Variants in PAK5 observed in about 807,000 individuals in gnomAD.
PAK5 encodes p21 (RAC1) activated kinase 5, also known as serine/threonine-protein kinase PAK 5.
A neutral mutation model predicts 65.9 loss-of-function variants in PAK5; 16 were observed. The observed-to-expected ratio is 0.24, with a 90% CI of 0.16 to 0.37. The LOEUF (loss-of-function observed/expected upper bound fraction) is 0.37, where lower values mean the gene tolerates loss of function less well. Ranked by LOEUF, PAK5 falls within the 10% of genes least tolerant of loss-of-function variation. The pLI is 1.00. For synonymous variants in PAK5, 371 were observed against 354.9 expected (o/e 1.05, Z -0.51); for missense variants, 785 against 903.9 (o/e 0.87, Z 1.69).
intron 1 of PAK5, among the ~76,000 whole-genome samples, chr20:9,738,463 C>G (rs756140437): frequency 6.6e-6 from 1 of 152,056 alleles, no homozygotes; most frequent in African/African-American, 2.4e-5. Context: ...TATATTCATA[C>G]TATAGAGTAC....
intron 1 of PAK5, among the ~76,000 whole-genome samples, chr20:9,834,410 C>G (rs1384300528): frequency 2.6e-5 from 4 of 152,058 alleles, no homozygotes; most frequent in Non-Finnish European, 5.9e-5. Flanking sequence ...TAAAACAATT[C>G]AGGATTTTGA....
chr20:9,612,910 A>T (rs964930191), intron 3 of PAK5, among the ~76,000 whole-genome samples: 1 of 151,854 alleles, frequency 6.6e-6, no homozygotes, highest in Non-Finnish European at 1.5e-5. Context: ...CCCCCATTAG[A>T]CTATACAATC....
chr20:9,668,129 C>T (rs1012173217), intron 2 of PAK5, among the ~76,000 whole-genome samples: 3 of 152,020 alleles, frequency 2.0e-5, no homozygotes, highest in Admixed American at 1.3e-4. Flanking sequence ...AGAGAAGCCG[C>T]ATGTTAGGGT....
At chr20:9,648,603 A>T (rs995766037) in intron 2 of PAK5, among the ~76,000 whole-genome samples, 1 of 152,004 alleles carries the variant, frequency 6.6e-6, no homozygotes, top group African/African-American at 2.4e-5. Flanking sequence ...CTTTTTTTCT[A>T]GGATATGCAT....
chr20:9,660,182 G>A (rs1008914534), intron 2 of PAK5, among the ~76,000 whole-genome samples: 47 of 152,006 alleles, frequency 3.1e-4, no homozygotes, highest in Non-Finnish European at 5.9e-4. Context: ...TGGCATGAGG[G>A]GGATAAAGGC....
rs138611777 is a variant in PAK5, at chr20:9,613,912, G to A, written c.204+30213C>T. ...CCTCACCAAAGGCCTATTTGCCACC[G>A]TTTCTGACCCAGTGCATCACATCTG... is the stretch of plus-strand genomic sequence containing the variant. On this transcript the variant is annotated intron_variant, in intron 3 of 9. Coordinates refer to ENST00000353224, the MANE Select transcript of PAK5 (RefSeq NM_177990.4). Among the ~76,000 whole-genome samples, 736 of 152,180 alleles carry A rather than the reference G, an allele frequency of 4.8e-3. 4 individuals carry two copies. Among genetic ancestry groups the A allele is most frequent in the Middle Eastern group, 0.01 (3 of 294 alleles).
intron 2 of PAK5, among the ~76,000 whole-genome samples, chr20:9,683,446 A>G (rs184702794): frequency 6.6e-6 from 1 of 152,056 alleles, no homozygotes; most frequent in Non-Finnish European, 1.5e-5. Flanking sequence ...GGTAAATACA[A>G]CTCCTTATGA....
chr20:9,814,623 C>T (rs2049334966), intron 1 of PAK5, among the ~76,000 whole-genome samples: 2 of 152,156 alleles, frequency 1.3e-5, no homozygotes, highest in South Asian at 4.1e-4. Flanking sequence ...TCATATGCCA[C>T]TCTTTCATAA....
At chr20:9,752,420 T>A (rs2048587407) in intron 1 of PAK5, among the ~76,000 whole-genome samples, 1 of 152,042 alleles carries the variant, frequency 6.6e-6, no homozygotes, top group Non-Finnish European at 1.5e-5. Context: ...AAGAACGGAT[T>A]AGGGATGGCC....
chr20:9,654,970 G>C (rs142165099), intron 2 of PAK5, among the ~76,000 whole-genome samples: 1 of 152,122 alleles, frequency 6.6e-6, no homozygotes, highest in Non-Finnish European at 1.5e-5. Context: ...TTGGGCTACA[G>C]AAATTATTTC....
At chr20:9,570,292 T>C (rs1337045882) in intron 4 of PAK5, among the ~76,000 whole-genome samples, 2 of 152,214 alleles carry the variant, frequency 1.3e-5, no homozygotes, top group Non-Finnish European at 2.9e-5. Flanking sequence ...CTAGCATTTA[T>C]TGAAGACATA....
chr20:9,729,414 T>A (rs1413146655), intron 1 of PAK5, among the ~76,000 whole-genome samples: 1 of 152,198 alleles, frequency 6.6e-6, no homozygotes, highest in Non-Finnish European at 1.5e-5. Context: ...TTAATGTGTA[T>A]GATACTGCTG....
chr20:9,794,826 A>G (rs1043520387), intron 1 of PAK5, among the ~76,000 whole-genome samples: 1 of 152,102 alleles, frequency 6.6e-6, no homozygotes, highest in Non-Finnish European at 1.5e-5. Context: ...TCCTCCAAGT[A>G]TCATACATTC....
chr20:9,694,383 TG>T (rs2047840663), intron 2 of PAK5, among the ~76,000 whole-genome samples: 1 of 151,584 alleles, frequency 6.6e-6, no homozygotes, highest in African/African-American at 2.4e-5. Flanking sequence ...GGGAGGGTCA[TG>T]GGGTATGACT....
At chr20:9,542,001 C>T (rs2045272739) in intron 9 of PAK5, among the ~76,000 whole-genome samples, 1 of 152,144 alleles carries the variant, frequency 6.6e-6, no homozygotes, top group South Asian at 2.1e-4. Context: ...TTAATTAAAC[C>T]TTCTTTATTT....
At chr20:9,779,308 T>C (rs977347791) in intron 1 of PAK5, among the ~76,000 whole-genome samples, 4 of 151,608 alleles carry the variant, frequency 2.6e-5, no homozygotes, top group East Asian at 3.9e-4. Flanking sequence ...AAGCTGTGCA[T>C]GGCTCTTCAT....
intron 3 of PAK5, among the ~76,000 whole-genome samples, chr20:9,599,721 G>T (rs2046328295): frequency 6.6e-6 from 1 of 151,892 alleles, no homozygotes; most frequent in South Asian, 2.1e-4. Context: ...TATTGTTGCT[G>T]AGTTGTTACA....
At chr20:9,671,849 T>C (rs2047502880) in intron 2 of PAK5, among the ~76,000 whole-genome samples, 1 of 152,090 alleles carries the variant, frequency 6.6e-6, no homozygotes, top group Non-Finnish European at 1.5e-5. Flanking sequence ...CCCTGTCTTG[T>C]GCCAGTTTTC....
chr20:9,787,559 C>T (rs1381387715), intron 1 of PAK5, among the ~76,000 whole-genome samples: 1 of 151,908 alleles, frequency 6.6e-6, no homozygotes, highest in East Asian at 1.9e-4. Context: ...CTCTCTAAGC[C>T]TCAGTTTTTC....
Sources: allele counts gnomAD v4.1 joint callset (sites outside exome capture counted in the v4.1 genomes callset), GRCh38; gene constraint gnomAD v4.1.1; transcripts MANE v1.5; gene names NCBI Gene and HGNC (gene_info 2026-07-23, HGNC 2026-07-21).